The following ACTN3 variants were observed in gnomAD, a reference collection of about 807,000 sequenced individuals.
The protein encoded by ACTN3 is actinin alpha 3, also known as alpha-actinin-3.
A neutral mutation model predicts 119.6 loss-of-function variants in ACTN3; 91 were observed. The ratio of observed to expected loss-of-function variants is 0.76; its 90% CI spans 0.64 to 0.91. The LOEUF is 0.91. Ranked by LOEUF, ACTN3 falls within the 40% of genes least tolerant of loss-of-function variation. The pLI, the probability that ACTN3 is intolerant of heterozygous loss-of-function variation, is 0.00. For missense variants in ACTN3, 1,221 were observed against 1,215.1 expected (o/e 1.00, Z -0.07); for synonymous variants, 456 against 478.8 (o/e 0.95, Z 0.62).
rs1590809784 is a variant in ACTN3 at position 66,559,330 on chromosome 11, C to G, written c.1371C>G (p.Asp457Glu). The change falls in exon 12 of 21, where the codon GAC (aspartate) becomes GAG (glutamate). Residue 457 changes from aspartate to glutamate, a missense_variant. Around this residue, in one of 3 missense-constraint regions of ACTN3, gnomAD observed 934 missense variants for 899.9 expected, o/e 1.04. Transcript: ENST00000513398. ...LLRRHEAFESDLAAHQDRVEH... is the reference protein window; with the variant it reads ...LLRRHEAFESELAAHQDRVEH... ...GGCGCCACGAGGCCTTTGAGAGCGA[C>G]CTGGCGGCGCACCAGGACCGCGTGG... 1 of 1,576,494 alleles carries G rather than the reference C, an allele frequency of 6.3e-7. No homozygotes were observed.
chr11:66,561,390 G>A (rs1162056410), intron 16 of ACTN3, 29 bp downstream of exon 16: 3 of 1,606,204 alleles, frequency 1.9e-6, no homozygotes, highest in South Asian at 1.1e-5. Context: ...GGTCCAACCT[G>A]GGGGGATGGG....
At chr11:66,551,679 G>A (rs762973687) in intron 3 of ACTN3, 32 bp downstream of exon 3, 5 of 1,611,526 alleles carry the variant, frequency 3.1e-6, no homozygotes, top group Non-Finnish European at 4.2e-6. Flanking sequence ...TCTTGGGCAG[G>A]GCACAGGGGC....
At chr11:66,549,732 C>CAAAAAAAAAAAAAA (rs61393902) in intron 1 of ACTN3, among the ~76,000 whole-genome samples, 1 of 43,028 alleles carries the variant, frequency 2.3e-5, no homozygotes, top group African/African-American at 1.0e-4. Context: ...ACTCTGTCTC[C>CAAAAAAAAAAAAAA]AAAAAAAAAA....
intron 5 of ACTN3, among the ~76,000 whole-genome samples, 176 bp from the exon 6 acceptor site, chr11:66,554,954 G>A (rs1472018709): frequency 2.0e-5 from 3 of 152,144 alleles, no homozygotes; most frequent in Non-Finnish European, 4.4e-5. Context: ...ATCGTGATGA[G>A]CTAGCAGGAG....
chr11:66,561,328 T>C lies in ACTN3; in HGVS notation c.1962T>C (p.Asn654=), dbSNP rs375109520. 2 of 1,611,922 alleles carry C rather than the reference T, an allele frequency of 1.2e-6. No individual in the cohort carries two copies. Among genetic ancestry groups the C allele is most frequent in the Non-Finnish European group, 1.7e-6 (2 of 1,179,222 alleles). The change falls in exon 16 of 21, where the codon AAT becomes AAC. Residue 654 remains asparagine, a synonymous_variant. Transcript: ENST00000513398. ...GGCGACAGTTTGCGGCCCAGGCCAA[T>C]GCCATTGGACCCTGGATCCAGGCGA... The part of the protein sequence containing the change: ...RLRRQFAAQA[N]AIGPWIQAKV...
intron 9 of ACTN3, 69 bp downstream of exon 9, chr11:66,557,294 A>C (rs1385015303): frequency 1.4e-6 from 2 of 1,437,602 alleles, no homozygotes; most frequent in Non-Finnish European, 1.9e-6. Context: ...TGCTAACCCC[A>C]AGCGTGGGCC....
intron 3 of ACTN3, 191 bp downstream of exon 3, chr11:66,551,838 G>A (rs894988958): frequency 1.5e-5 from 6 of 394,676 alleles, no homozygotes; most frequent in Non-Finnish European, 2.1e-5. Context: ...CACTTTGGGA[G>A]GCCAAGGCCA....
Position 66,562,165 on chromosome 11 carries a change from C to A in ACTN3, c.2319C>A (p.Asp773Glu), listed in dbSNP as rs770102360. The A allele has an allele frequency of 5.0e-6, 8 of 1,613,996 alleles. No individual in the cohort carries two copies. The highest frequency in any genetic ancestry group is 6.8e-6 in the Non-Finnish European group (8 of 1,179,914). ...NEFRASFNHFDRKQNGMMEPD... is the reference protein window; with the variant it reads ...NEFRASFNHFERKQNGMMEPD... ...TCCGAGCATCCTTCAACCACTTTGA[C>A]AGGGTCAGCAGGGGCCTGGCCCTGT... The change falls in exon 18 of 21, where the codon GAC becomes GAA. Residue 773 changes from aspartate (D) to glutamate (E), a missense_variant. Physicochemically the swap from Asp to Glu is conservative, Grantham distance 45. Coordinates refer to ENST00000513398, the MANE Select transcript of ACTN3 (RefSeq NM_001104.4).
chr11:66,546,908 G>C lies in ACTN3; in HGVS notation c.-30G>C, dbSNP rs745351070. On this transcript the variant is annotated 5_prime_UTR_variant, in exon 1 of 21. Coordinates refer to ENST00000513398, the MANE Select transcript of ACTN3 (RefSeq NM_001104.4). ...GGGCCCGGGTGTCCGAGAGCGTGCC[G>C]AGCGGAGCGAAGCCAGGAGCCCGAT... is the stretch of plus-strand genomic sequence containing the variant. 1 of 1,528,490 alleles carries C rather than the reference G, an allele frequency of 6.5e-7. No individual in the cohort carries two copies. The highest frequency in any genetic ancestry group is 8.8e-7 in the Non-Finnish European group (1 of 1,141,410). The allele number at this position is 1,528,490 out of a possible 1,614,324, so 94.7% of individuals were successfully genotyped here.
chr11:66,561,191 C>T (rs1306196403), intron 15 of ACTN3, 36 bp from the exon 16 acceptor site: 1 of 1,497,136 alleles, frequency 6.7e-7, no homozygotes, highest in Non-Finnish European at 8.9e-7. Flanking sequence ...TTCCCAGCCC[C>T]CAGAGCTGGC....
Position 66,546,904 on chromosome 11 carries a change from T to C in ACTN3, c.-34T>C. The C allele has an allele frequency of 6.6e-7, 1 of 1,526,406 alleles. No individual in the cohort carries two copies. The highest frequency in any genetic ancestry group is 8.8e-7 in the Non-Finnish European group (1 of 1,140,496). 94.6% of individuals were successfully genotyped at this position (1,526,406 alleles called of 1,614,324 possible). A position where few individuals can be genotyped will look rare whatever the true frequency, so the allele number is the denominator to read the frequency against. On this transcript the variant is annotated 5_prime_UTR_variant, in exon 1 of 21. Coordinates refer to ENST00000513398, the MANE Select transcript of ACTN3 (RefSeq NM_001104.4). ...AATGGGGCCCGGGTGTCCGAGAGCG[T>C]GCCGAGCGGAGCGAAGCCAGGAGCC...
Position 66,558,171 on chromosome 11 carries a change from C to T in ACTN3, c.1273C>T (p.Arg425Trp), listed in dbSNP as rs199897168. ...QKASLHEAWTRGKEEMLSQRD... is the reference protein window; with the variant it reads ...QKASLHEAWTWGKEEMLSQRD... ...GGCCTCCCTGCACGAAGCCTGGACC[C>T]GGGGTAGGTAGACCTACCTCATGGG... The change falls in exon 11 of 21, where the codon CGG becomes TGG. Residue 425 changes from arginine (R) to tryptophan (W), a missense_variant. By Grantham distance (101) the Arg-to-Trp change is moderately radical. Around this residue, in one of 3 missense-constraint regions of ACTN3, gnomAD observed 934 missense variants for 899.9 expected, o/e 1.04. Coordinates refer to ENST00000513398, the MANE Select transcript of ACTN3 (RefSeq NM_001104.4). The T allele has an allele frequency of 6.8e-5, 109 of 1,612,770 alleles. 1 individual carries two copies. The highest frequency in any genetic ancestry group is 5.8e-5 in the Non-Finnish European group (69 of 1,179,892).
chr11:66,561,977 A>T, intron 17 of ACTN3, 45 bp from the exon 18 acceptor site: 1 of 1,563,320 alleles, frequency 6.4e-7, no homozygotes, highest in Non-Finnish European at 8.7e-7. Flanking sequence ...GCCAGTGGCC[A>T]GGCACTGGCC....
At chr11:66,554,311 A>T (rs1233568052) in intron 4 of ACTN3, among the ~76,000 whole-genome samples, 180 bp downstream of exon 4, 1 of 147,992 alleles carries the variant, frequency 6.8e-6, no homozygotes, top group Non-Finnish European at 1.5e-5. Flanking sequence ...AAAAAAAAAA[A>T]GCTGGCCATG....
Position 66,558,045 on chromosome 11 carries a change from C to A in ACTN3, c.1147C>A (p.Arg383=), listed in dbSNP as rs375781686. 5.3e-5 allele frequency: 85 copies of A among 1,613,786 alleles called. 2 individuals are homozygous for A. In the East Asian group the frequency reaches 1.7e-3, roughly 32 times the overall value. Residue 383 remains arginine, a synonymous_variant, in exon 11 of 21, where the codon CGG becomes AGG. Coordinates refer to ENST00000513398, the MANE Select transcript of ACTN3 (RefSeq NM_001104.4). ...KLVSDIANAW[R]GLEQVEKGYE... Reference sequence around the variant, plus strand: ...TCCACAGGACATCGCCAACGCCTGGCGGGGGCTGGAGCAGGTGGAAAAGGG... The same window carrying A: ...TCCACAGGACATCGCCAACGCCTGGAGGGGGCTGGAGCAGGTGGAAAAGGG...
In ACTN3 at chr11:66,557,875, G is replaced by A. The variant is rs1187419516; in HGVS notation, c.1074G>A (p.Lys358=). The A allele has an allele frequency of 6.2e-7, 1 of 1,614,016 alleles. No individual in the cohort carries two copies. The highest frequency in any genetic ancestry group is 8.5e-7 in the Non-Finnish European group (1 of 1,180,024). ...TCAACTTCAACACACTGCAGACCAA[G>A]TTGCGGCTCAGCCACCGGCCTGCCT... is the stretch of plus-strand genomic sequence containing the variant. ...LEINFNTLQT[K]LRLSHRPAFM... Residue 358 remains lysine (K), a synonymous_variant, in exon 10 of 21, where the codon AAG becomes AAA. Coordinates refer to ENST00000513398, the MANE Select transcript of ACTN3 (RefSeq NM_001104.4).
intron 1 of ACTN3, among the ~76,000 whole-genome samples, chr11:66,548,698 C>T (rs1244190691): frequency 6.6e-6 from 1 of 152,190 alleles, no homozygotes; most frequent in African/African-American, 2.4e-5. Context: ...CTCCTCCATC[C>T]AAGGGCTTCC....
In ACTN3 at chr11:66,561,636, AG is replaced by A. The variant is rs2134941882; in HGVS notation, c.2175+1del. ...FDNKHTVYSM[E>X]HIRVGWEQLL... ...AATAAGCACACCGTCTACAGCATGG[AG>A]GTGGGATCACACCCTCTCAGGAGAG... On this transcript the variant is annotated frameshift_variant and splice_region_variant, in exon 17 of 21. Coordinates refer to ENST00000513398, the MANE Select transcript of ACTN3 (RefSeq NM_001104.4). LOFTEE classifies it high-confidence loss of function. The A allele has an allele frequency of 6.2e-7, 1 of 1,610,678 alleles. No homozygotes were observed. Among genetic ancestry groups the A allele is most frequent in the African/African-American group, 1.3e-5 (1 of 75,010 alleles).
chr11:66,547,803 A>C (rs1268186249), intron 1 of ACTN3, among the ~76,000 whole-genome samples: 1 of 152,090 alleles, frequency 6.6e-6, no homozygotes, highest in Non-Finnish European at 1.5e-5. Flanking sequence ...ATGGACACTT[A>C]GTGCTGAGGC....
Sources: gnomAD v4.1 joint callset for allele counts (sites outside exome capture counted in the v4.1 genomes callset) on GRCh38, gnomAD v4.1.1 for gene constraint, gnomAD v4.1.1 regional missense constraint, MANE v1.5 for transcripts, NCBI Gene and HGNC (gene_info 2026-07-23, HGNC 2026-07-21) for gene names.